SNTG1: variants seen among roughly 807,000 people sequenced by gnomAD.
SNTG1 encodes the protein syntrophin gamma 1, also known as gamma-1-syntrophin.
In SNTG1, 39 loss-of-function variants were observed where a neutral mutation model predicts 74.7. That is an observed-to-expected ratio of 0.52 (90% CI 0.40 to 0.68). SNTG1 has a LOEUF of 0.68. SNTG1 is among the 30% of genes least tolerant of loss of function. SNTG1 has a pLI of 0.00. For missense variants in SNTG1, 685 were observed against 609.5 expected (o/e 1.12, Z -1.30); for synonymous variants, 254 against 217.1 (o/e 1.17, Z -1.49).
chr8:50,516,476 G>A (rs937045920), intron 9 of SNTG1, among the ~76,000 whole-genome samples: 1 of 152,110 alleles, frequency 6.6e-6, no homozygotes, highest in Non-Finnish European at 1.5e-5. Flanking sequence ...GTCTTCAGAA[G>A]GTGGGTAATA....
At chr8:50,469,019 G>A (rs1175176582) in intron 8 of SNTG1, among the ~76,000 whole-genome samples, 1 of 152,084 alleles carries the variant, frequency 6.6e-6, no homozygotes, top group African/African-American at 2.4e-5. Flanking sequence ...TATACAAAGA[G>A]TTAAGTTGAC....
chr8:49,998,535 A>T (rs1389571527), intron 1 of SNTG1, among the ~76,000 whole-genome samples: 1 of 150,646 alleles, frequency 6.6e-6, no homozygotes, highest in Non-Finnish European at 1.5e-5. Flanking sequence ...TATATGTTTT[A>T]TTTTATTTTT....
At position 50,658,670 on chromosome 8, in the gene SNTG1, T is replaced by C; in HGVS notation, c.1038+7T>C. 6.2e-7 allele frequency: 1 copy of C among 1,601,466 alleles called. No individual in the cohort carries two copies. Among genetic ancestry groups the C allele is most frequent in the East Asian group, 2.3e-5 (1 of 44,170 alleles). Reference sequence around the variant, plus strand: ...TATGTGCAAGATCCTCAAGGTATGATCAATATGTAGTCAGTATTTGAATGG... The same window carrying C: ...TATGTGCAAGATCCTCAAGGTATGACCAATATGTAGTCAGTATTTGAATGG... On this transcript the variant is annotated splice_region_variant and intron_variant, in intron 15 of 18. Coordinates refer to ENST00000642720, the MANE Select transcript of SNTG1 (RefSeq NM_018967.5).
At chr8:50,109,473 T>G (rs188013276) in intron 1 of SNTG1, among the ~76,000 whole-genome samples, 9 of 152,264 alleles carry the variant, frequency 5.9e-5, no homozygotes, top group African/African-American at 1.9e-4. Context: ...TGGGGAAAAT[T>G]GGTAAAACTG....
At chr8:50,102,876 G>A (rs1351425373) in intron 1 of SNTG1, among the ~76,000 whole-genome samples, 2 of 147,752 alleles carry the variant, frequency 1.4e-5, no homozygotes, top group Admixed American at 6.7e-5. Context: ...TTGTAGATAT[G>A]CGGCGTTATT....
intron 8 of SNTG1, among the ~76,000 whole-genome samples, chr8:50,479,968 G>T (rs1332021827): frequency 6.6e-6 from 1 of 151,988 alleles, no homozygotes; most frequent in Non-Finnish European, 1.5e-5. Context: ...ATAATAAATT[G>T]GATAAGAAAA....
At chr8:50,312,202 A>T (rs2090139409) in intron 2 of SNTG1, among the ~76,000 whole-genome samples, 1 of 152,132 alleles carries the variant, frequency 6.6e-6, no homozygotes. Context: ...TATTAGAGTG[A>T]ATATTATCTG....
At chr8:50,662,480 T>A (rs1382656399) in intron 15 of SNTG1, among the ~76,000 whole-genome samples, 1 of 152,188 alleles carries the variant, frequency 6.6e-6, no homozygotes, top group Non-Finnish European at 1.5e-5. Flanking sequence ...TTATTGTTAT[T>A]CCCATTTTAG....
intron 2 of SNTG1, among the ~76,000 whole-genome samples, chr8:50,284,699 G>C (rs183815309): frequency 9.2e-5 from 14 of 152,152 alleles, no homozygotes; most frequent in Admixed American, 2.0e-4. Flanking sequence ...GCTACTTGGT[G>C]TTATTTCATT....
chr8:50,439,658 G>A (rs185935148), intron 5 of SNTG1, among the ~76,000 whole-genome samples: 1 of 150,298 alleles, frequency 6.7e-6, no homozygotes, highest in African/African-American at 2.4e-5. Context: ...ATTATAGGAT[G>A]TGCAATGTAT....
chr8:50,364,034 A>G (rs1390941326), intron 2 of SNTG1, among the ~76,000 whole-genome samples: 1 of 152,136 alleles, frequency 6.6e-6, no homozygotes, highest in African/African-American at 2.4e-5. Context: ...TCCCTATGAC[A>G]CCAACCTGGA....
intron 17 of SNTG1, among the ~76,000 whole-genome samples, chr8:50,710,073 C>G (rs1254424307): frequency 6.6e-6 from 1 of 152,162 alleles, no homozygotes; most frequent in Non-Finnish European, 1.5e-5. Context: ...GGATGCCGCC[C>G]TGTGTTCATT....
At chr8:50,685,008 TA>T (rs933413975) in intron 15 of SNTG1, among the ~76,000 whole-genome samples, 53 of 146,532 alleles carry the variant, frequency 3.6e-4, no homozygotes, top group East Asian at 1.6e-3. Context: ...TTTTCTTACT[TA>T]AAAAAAAAAT....
Position 50,339,718 on chromosome 8 carries a change from G to T in SNTG1, c.-27-54494G>T, listed in dbSNP as rs967629021. 8.6e-5 allele frequency among the ~76,000 whole-genome samples: 13 copies of T among 151,948 alleles called. 1 individual carries two copies. Among genetic ancestry groups the T allele is most frequent in the African/African-American group, 3.1e-4 (13 of 41,544 alleles). ...ATTACAACCTGAGAAGGCAGAAAAA[G>T]AGGGGAAAATAATAAAGAAACAAAT... On this transcript the variant is annotated intron_variant, in intron 2 of 18. Coordinates refer to ENST00000642720, the MANE Select transcript of SNTG1 (RefSeq NM_018967.5).
At chr8:50,281,207 G>A (rs1268554631) in intron 2 of SNTG1, among the ~76,000 whole-genome samples, 1 of 152,046 alleles carries the variant, frequency 6.6e-6, no homozygotes, top group African/African-American at 2.4e-5. Flanking sequence ...GCAACAAAGA[G>A]TCTGTTTTGT....
At chr8:50,629,013 C>G (rs112123551) in intron 13 of SNTG1, among the ~76,000 whole-genome samples, 6,543 of 152,110 alleles carry the variant, frequency 0.043, 243 homozygotes, top group African/African-American at 0.094. Flanking sequence ...TATGTGGAAG[C>G]TAAAAACCTT....
chr8:50,118,931 G>A (rs879164388), intron 1 of SNTG1, among the ~76,000 whole-genome samples: 3 of 140,532 alleles, frequency 2.1e-5, no homozygotes, highest in Non-Finnish European at 3.2e-5. Flanking sequence ...ACAGATGCCT[G>A]TTTTCTGCTT....
chr8:50,660,430 A>AAAGAAAGAAAG (rs1283552682), intron 15 of SNTG1, among the ~76,000 whole-genome samples: 19 of 43,288 alleles, frequency 4.4e-4, no homozygotes, highest in Non-Finnish European at 3.9e-5. Context: ...AAGAAAGAAG[A>AAAGAAAGAAAG]AAGAAAGAAA....
At chr8:50,524,275 T>C (rs1196856195) in intron 9 of SNTG1, among the ~76,000 whole-genome samples, 2 of 152,124 alleles carry the variant, frequency 1.3e-5, no homozygotes, top group Non-Finnish European at 2.9e-5. Context: ...TATATTGGTT[T>C]CAAGTTAGTG....
Sources: gnomAD v4.1 joint callset for allele counts (sites outside exome capture counted in the v4.1 genomes callset) on GRCh38, gnomAD v4.1.1 for gene constraint, MANE v1.5 for transcripts, NCBI Gene and HGNC (gene_info 2026-07-23, HGNC 2026-07-21) for gene names.